Variants in RSRC1 observed in about 807,000 individuals in gnomAD.
The protein encoded by RSRC1 is arginine and serine rich coiled-coil 1.
A neutral mutation model predicts 49.1 loss-of-function variants in RSRC1; 39 were observed. The ratio of observed to expected loss-of-function variants is 0.79; its 90% CI spans 0.61 to 1.04. The LOEUF is 1.04. Ranked by LOEUF, RSRC1 falls within the 50% of genes least tolerant of loss-of-function variation. The pLI is 0.00. For missense variants in RSRC1, 388 were observed against 402.4 expected (o/e 0.96, Z 0.31); for synonymous variants, 143 against 130.8 (o/e 1.09, Z -0.63).
chr3:158,311,320 T>C (rs1188317556), intron 5 of RSRC1, among the ~76,000 whole-genome samples: 1 of 151,930 alleles, frequency 6.6e-6, no homozygotes, highest in East Asian at 1.9e-4. Context: ...TATATGCTAA[T>C]TTTTTTCATT....
At chr3:158,177,684 C>A (rs1028227885) in intron 3 of RSRC1, among the ~76,000 whole-genome samples, 1 of 152,016 alleles carries the variant, frequency 6.6e-6, no homozygotes, top group African/African-American at 2.4e-5. Context: ...AGGAGAAATA[C>A]GTAATGTAAA....
intron 4 of RSRC1, among the ~76,000 whole-genome samples, chr3:158,221,209 TAATA>T (rs992496800): frequency 1.1e-4 from 16 of 151,780 alleles, no homozygotes; most frequent in Admixed American, 5.3e-4. Context: ...TTTGGAACTA[TAATA>T]AATAGCAAGA....
chr3:158,487,466 G>C lies in RSRC1; in HGVS notation c.652+26463G>C, dbSNP rs1738859295. ...TCTTAAAATCACTGTTCGCCGGATA[G>C]CAGCTGTGACTCTTGATGTTATTGT... On this transcript the variant is annotated intron_variant, in intron 7 of 9. Transcript: ENST00000611884. Among the ~76,000 whole-genome samples the C allele has an allele frequency of 2.0e-5, 3 of 152,120 alleles. No individual in the cohort carries two copies. The South Asian group carries it at 6.2e-4, about 32-fold the overall frequency.
chr3:158,515,117 A>T (rs1016147991), intron 7 of RSRC1, among the ~76,000 whole-genome samples: 1 of 149,824 alleles, frequency 6.7e-6, no homozygotes, highest in Non-Finnish European at 1.5e-5. Flanking sequence ...GTCCATTTAC[A>T]TTTAAAGTTA....
chr3:158,305,071 G>A (rs1727762925), intron 5 of RSRC1, among the ~76,000 whole-genome samples: 2 of 152,024 alleles, frequency 1.3e-5, no homozygotes, highest in Admixed American at 6.6e-5. Flanking sequence ...TGAGTTACAA[G>A]TTTATTGAAA....
At chr3:158,285,607 C>T (rs1167076897) in intron 4 of RSRC1, among the ~76,000 whole-genome samples, 1 of 152,104 alleles carries the variant, frequency 6.6e-6, no homozygotes, top group African/African-American at 2.4e-5. Context: ...AGGTCCTTCA[C>T]ATCCCTTGTA....
At chr3:158,119,018 CT>C (rs1265517588) in intron 1 of RSRC1, among the ~76,000 whole-genome samples, 2 of 152,154 alleles carry the variant, frequency 1.3e-5, no homozygotes, top group African/African-American at 4.8e-5. Flanking sequence ...GCATCTCTGT[CT>C]TTTTTTACTG....
chr3:158,278,015 G>T (rs1484442232), intron 4 of RSRC1, among the ~76,000 whole-genome samples: 1 of 152,084 alleles, frequency 6.6e-6, no homozygotes, highest in Non-Finnish European at 1.5e-5. Context: ...TGGTTGAGGG[G>T]GTTCTTCTCA....
intron 7 of RSRC1, among the ~76,000 whole-genome samples, chr3:158,528,094 A>C (rs7620927): frequency 6.6e-6 from 1 of 151,528 alleles, no homozygotes; most frequent in Non-Finnish European, 1.5e-5. Context: ...ATGGATGTTC[A>C]TTATATATAA....
At position 158,399,451 on chromosome 3, in the gene RSRC1, C is replaced by T. The variant is rs1391330940; in HGVS notation, c.583+44543C>T. On this transcript the variant is annotated intron_variant, in intron 6 of 9. Coordinates refer to ENST00000611884, the MANE Select transcript of RSRC1 (RefSeq NM_001271838.2). ...GATTACAGGCGTGAGCCACCGCGCC[C>T]GGCCCTATTATTTCCTTTTTAAAGA... Among the ~76,000 whole-genome samples, 5 of 35,798 alleles carry T rather than the reference C, an allele frequency of 1.4e-4. 2 individuals carry two copies. The highest frequency in any genetic ancestry group is 4.2e-4 in the East Asian group (1 of 2,358). 23.5% of individuals were successfully genotyped at this position (35,798 alleles called of 152,430 possible). A position where few individuals can be genotyped will look rare whatever the true frequency, so the allele number is the denominator to read the frequency against.
At chr3:158,168,269 C>T (rs1246399659) in intron 3 of RSRC1, among the ~76,000 whole-genome samples, 3 of 152,264 alleles carry the variant, frequency 2.0e-5, no homozygotes, top group African/African-American at 7.2e-5. Flanking sequence ...CTTCTACCAC[C>T]ATCAAATGAC....
At chr3:158,360,729 G>A (rs778433720) in intron 6 of RSRC1, among the ~76,000 whole-genome samples, 11 of 152,236 alleles carry the variant, frequency 7.2e-5, no homozygotes, top group Non-Finnish European at 1.6e-4. Flanking sequence ...TGGAGCAGGT[G>A]CCAGGAGTGG....
intron 3 of RSRC1, among the ~76,000 whole-genome samples, chr3:158,159,906 C>T (rs1187021772): frequency 1.3e-5 from 2 of 152,014 alleles, no homozygotes; most frequent in Non-Finnish European, 2.9e-5. Flanking sequence ...GTTATCTTTG[C>T]TTAATGCCAT....
intron 6 of RSRC1, among the ~76,000 whole-genome samples, chr3:158,406,229 A>G (rs1734157546): frequency 6.6e-6 from 1 of 152,088 alleles, no homozygotes; most frequent in South Asian, 2.1e-4. Flanking sequence ...ATGTTCTCAC[A>G]ATTTTTTAAC....
chr3:158,529,204 ATG>A (rs930396695), intron 7 of RSRC1, among the ~76,000 whole-genome samples: 7 of 133,770 alleles, frequency 5.2e-5, no homozygotes, highest in Admixed American at 3.0e-4. Context: ...GTATATATGT[ATG>A]TGTGTGTGTA....
intron 6 of RSRC1, among the ~76,000 whole-genome samples, chr3:158,444,759 C>G (rs1736595539): frequency 6.6e-6 from 1 of 152,142 alleles, no homozygotes; most frequent in Admixed American, 6.5e-5. Flanking sequence ...ATCTACTCAT[C>G]TGACAAAGGG....
chr3:158,200,980 C>T (rs1721012014), intron 3 of RSRC1, among the ~76,000 whole-genome samples: 1 of 152,238 alleles, frequency 6.6e-6, no homozygotes, highest in East Asian at 1.9e-4. Context: ...ATGCTTTCAT[C>T]TGTTGTCATT....
chr3:158,345,297 G>GT (rs1436390559), intron 5 of RSRC1, among the ~76,000 whole-genome samples: 3 of 152,070 alleles, frequency 2.0e-5, no homozygotes, highest in Admixed American at 1.3e-4. Flanking sequence ...AATAATTACG[G>GT]TAAGTGTATG....
chr3:158,509,442 T>C (rs1032817533), intron 7 of RSRC1, among the ~76,000 whole-genome samples: 5 of 152,198 alleles, frequency 3.3e-5, no homozygotes, highest in Admixed American at 1.3e-4. Flanking sequence ...CGTATTCTTC[T>C]CTTGCAGAAT....
Sources: gnomAD v4.1 joint callset for allele counts (sites outside exome capture counted in the v4.1 genomes callset) on GRCh38, gnomAD v4.1.1 for gene constraint, MANE v1.5 for transcripts, NCBI Gene and HGNC (gene_info 2026-07-23, HGNC 2026-07-21) for gene names.